The following TMCO6 variants were observed in gnomAD, a reference collection of about 807,000 sequenced individuals.
TMCO6 encodes the protein transmembrane and coiled-coil domain-containing protein 6.
In TMCO6, 47 loss-of-function variants were observed where a neutral mutation model predicts 61.8. The observed-to-expected ratio is 0.76, with a 90% CI of 0.60 to 0.97. The LOEUF (loss-of-function observed/expected upper bound fraction) is 0.97, where lower values mean the gene tolerates loss of function less well. TMCO6 is among the 50% of genes least tolerant of loss of function. The pLI, the probability that TMCO6 is intolerant of heterozygous loss-of-function variation, is 0.00. For synonymous variants in TMCO6, 261 were observed against 254.2 expected (o/e 1.03, Z -0.25); for missense variants, 557 against 601.6 (o/e 0.93, Z 0.78).
At chr5:140,602,811 AAAAAG>A in the TMCO6 span, among the ~76,000 whole-genome samples, 1 of 151,368 alleles carries the variant, frequency 6.6e-6, no homozygotes, top group Non-Finnish European at 1.5e-5. Flanking sequence ...AAGGAAAGGA[AAAAAG>A]AAAAGAAAAA....
chr5:140,642,340 A>T lies in TMCO6; in HGVS notation c.524A>T (p.Asn175Ile), dbSNP rs1339559200. Residue 175 changes from asparagine (N) to isoleucine (I), a missense_variant, in exon 5 of 12, where the codon AAC becomes ATC. Physicochemically the swap from Asn to Ile is moderately radical, Grantham distance 149. Coordinates refer to ENST00000394671, the MANE Select transcript of TMCO6 (RefSeq NM_018502.5). ...GAGCTGTGTCTGTATACACTGGGTA[A>T]CCTGATCGTGGAGAGTGAGGCTGTG... ...FIELCLYTLG[N>I]LIVESEAVRR... The T allele has an allele frequency of 6.2e-7, 1 of 1,613,608 alleles. No homozygotes were observed. Among genetic ancestry groups the T allele is most frequent in the African/African-American group, 1.3e-5 (1 of 75,022 alleles).
chr5:140,609,713 A>T, the TMCO6 span, among the ~76,000 whole-genome samples: 1 of 152,094 alleles, frequency 6.6e-6, no homozygotes, highest in East Asian at 1.9e-4. Flanking sequence ...TGACAATCAT[A>T]AGATCTATGA....
chr5:140,638,054 T>C (rs1252800822), upstream of TMCO6, among the ~76,000 whole-genome samples: 1 of 152,058 alleles, frequency 6.6e-6, no homozygotes, highest in Non-Finnish European at 1.5e-5. Context: ...CTAAGGGAAA[T>C]TGAACACTCG....
the TMCO6 span, among the ~76,000 whole-genome samples, chr5:140,622,775 T>C: frequency 6.7e-6 from 1 of 148,832 alleles, no homozygotes; most frequent in Non-Finnish European, 1.5e-5. Context: ...TTCTGAGCAA[T>C]GCATGGGGAA....
intron 1 of TMCO6, 54 bp from the exon 2 acceptor site, chr5:140,639,685 G>C: frequency 5.2e-6 from 8 of 1,549,172 alleles, no homozygotes; most frequent in Non-Finnish European, 7.0e-6. Context: ...TCGGAGCCGC[G>C]GGTTCTGGGT....
the TMCO6 span, among the ~76,000 whole-genome samples, chr5:140,602,545 C>T: frequency 3.9e-5 from 6 of 152,196 alleles, no homozygotes; most frequent in East Asian, 1.2e-3. Flanking sequence ...ACGTGGATCA[C>T]TTGAGGTCAG....
At chr5:140,644,955 G>C (rs1757307863) in intron 11 of TMCO6, 30 bp from the exon 12 acceptor site, 3 of 1,603,354 alleles carry the variant, frequency 1.9e-6, no homozygotes, top group Non-Finnish European at 2.6e-6. Context: ...ACAGAGACCA[G>C]GTGTGTTGAA....
At chr5:140,623,335 C>T in the TMCO6 span, among the ~76,000 whole-genome samples, 2 of 152,232 alleles carry the variant, frequency 1.3e-5, no homozygotes, top group South Asian at 4.1e-4. Context: ...TGATGTAATG[C>T]ATGTCTCAAT....
chr5:140,633,240 G>C, the TMCO6 span: 1 of 808,660 alleles, frequency 1.2e-6, no homozygotes, highest in Admixed American at 2.0e-5. Context: ...CCTCCTCTGT[G>C]AACCCTGATC....
the TMCO6 span, among the ~76,000 whole-genome samples, chr5:140,606,044 C>T: frequency 1.3e-5 from 2 of 151,918 alleles, no homozygotes; most frequent in Non-Finnish European, 2.9e-5. Context: ...AGTAATGTTC[C>T]ACTTTAATTA....
rs923383239 is a variant in TMCO6 at position 140,639,603 on chromosome 5, C to A, written c.76C>A (p.Arg26=). The A allele has an allele frequency of 1.1e-5, 17 of 1,543,032 alleles. No homozygotes were observed. The highest frequency in any genetic ancestry group is 1.5e-5 in the Non-Finnish European group (17 of 1,143,104). Residue 26 remains arginine (R), a synonymous_variant, in exon 1 of 12, where the codon CGG becomes AGG. Transcript: ENST00000394671. ...VEELRRRRRE[R]EAALRKARRE... is the part of the protein sequence containing the mutation. ...GGAGCTACGGCGCCGCCGGCGGGAG[C>A]GGGAGGCAGGTGTGGGCGGCCGAGG... is the stretch of plus-strand genomic sequence containing the variant.
At chr5:140,634,989 T>G (rs532992714), upstream of TMCO6, among the ~76,000 whole-genome samples, 9 of 149,220 alleles carry the variant, frequency 6.0e-5, 1 homozygote, top group East Asian at 1.8e-3. Context: ...TCCATGTTGG[T>G]CAGGCTGGTC....
chr5:140,636,189 G>A (rs1756767217), upstream of TMCO6, among the ~76,000 whole-genome samples: 1 of 152,106 alleles, frequency 6.6e-6, no homozygotes, highest in Non-Finnish European at 1.5e-5. Flanking sequence ...GTAGAGACGG[G>A]GTTTCACCAT....
chr5:140,601,860 T>G, the TMCO6 span, among the ~76,000 whole-genome samples: 1 of 152,184 alleles, frequency 6.6e-6, no homozygotes, highest in Non-Finnish European at 1.5e-5. Flanking sequence ...TTAAGTGAGT[T>G]AATAATAAGC....
At chr5:140,632,761 C>G in the TMCO6 span, 8 of 1,613,306 alleles carry the variant, frequency 5.0e-6, no homozygotes, top group African/African-American at 8.0e-5. This position sits in a 1 kb window ranked among gnomAD's most constrained non-coding sequence, Gnocchi z 6.2. Context: ...TCGGCGTCCG[C>G]ATCGACGCGC....
the TMCO6 span, among the ~76,000 whole-genome samples, chr5:140,617,213 G>A: frequency 2.6e-5 from 4 of 152,234 alleles, no homozygotes; most frequent in East Asian, 5.8e-4. Flanking sequence ...ATCACTTTAG[G>A]TCAGGAGTTC....
chr5:140,627,305 C>T, the TMCO6 span, among the ~76,000 whole-genome samples: 1 of 151,994 alleles, frequency 6.6e-6, no homozygotes, highest in African/African-American at 2.4e-5. Flanking sequence ...AAGGTCTGAT[C>T]TTTCCAGCAT....
chr5:140,619,916 A>ATGG, the TMCO6 span, among the ~76,000 whole-genome samples: 1 of 152,250 alleles, frequency 6.6e-6, no homozygotes, highest in Non-Finnish European at 1.5e-5. Flanking sequence ...AATGTGGAGC[A>ATGG]ACAGGAACTC....
chr5:140,639,447 C>T, upstream of TMCO6: 2 of 1,399,960 alleles, frequency 1.4e-6, no homozygotes, highest in East Asian at 5.0e-5. Flanking sequence ...TGTGCTGAGG[C>T]TGCGCAGTCG....
Sources: allele counts gnomAD v4.1 joint callset (sites outside exome capture counted in the v4.1 genomes callset), GRCh38; gene constraint gnomAD v4.1.1; non-coding constraint Gnocchi (gnomAD v3.1); transcripts MANE v1.5; gene names NCBI Gene and HGNC (gene_info 2026-07-23, HGNC 2026-07-21).